Variants in CYRIA observed in about 807,000 individuals in gnomAD.
CYRIA encodes the protein CYFIP-related Rac1 interactor A.
In CYRIA, 15 loss-of-function variants were observed where a neutral mutation model predicts 43.9. The ratio of observed to expected loss-of-function variants is 0.34; its 90% CI spans 0.23 to 0.53. CYRIA has a LOEUF of 0.53. Among genes scored for constraint, CYRIA ranks in the 20% least tolerant of loss-of-function variants. The pLI, the probability that CYRIA is intolerant of heterozygous loss-of-function variation, is 0.94. For missense variants in CYRIA, 236 were observed against 394.2 expected (o/e 0.60, Z 3.40); for synonymous variants, 117 against 136.0 (o/e 0.86, Z 0.97).
At chr2:16,587,943 T>C (rs1667792358) in intron 3 of CYRIA, 107 bp downstream of exon 3, 2 of 703,990 alleles carry the variant, frequency 2.8e-6, no homozygotes, top group Non-Finnish European at 4.8e-6. Context: ...TACAGTGACC[T>C]TTGGATTTGA....
At chr2:16,664,521 A>G (rs1670341023) in intron 1 of CYRIA, among the ~76,000 whole-genome samples, 2 of 152,278 alleles carry the variant, frequency 1.3e-5, no homozygotes, top group Admixed American at 1.3e-4. Context: ...CTCCACTGCA[A>G]AGCAAGCCCT....
chr2:16,642,586 G>A (rs561025214), intron 1 of CYRIA, among the ~76,000 whole-genome samples: 2 of 152,166 alleles, frequency 1.3e-5, no homozygotes, highest in East Asian at 1.9e-4. Context: ...GTCCCACTGG[G>A]ACCCTCCGCT....
At chr2:16,572,561 G>A (rs1474460551) in intron 3 of CYRIA, among the ~76,000 whole-genome samples, 1 of 152,130 alleles carries the variant, frequency 6.6e-6, no homozygotes. Context: ...GGCAGGGAGT[G>A]GTCTGAGTTA....
At chr2:16,645,396 A>G (rs1409404666) in intron 1 of CYRIA, among the ~76,000 whole-genome samples, 1 of 152,214 alleles carries the variant, frequency 6.6e-6, no homozygotes, top group Non-Finnish European at 1.5e-5. Context: ...TTATATAATA[A>G]AAACGAAGCG....
chr2:16,576,540 A>G (rs1443377547), intron 3 of CYRIA, among the ~76,000 whole-genome samples: 1 of 152,162 alleles, frequency 6.6e-6, no homozygotes, highest in East Asian at 1.9e-4. Flanking sequence ...TGTCTCTTCT[A>G]TCTTTTCTCA....
intron 1 of CYRIA, among the ~76,000 whole-genome samples, chr2:16,648,287 T>C (rs988918361): frequency 6.7e-6 from 1 of 149,890 alleles, no homozygotes; most frequent in African/African-American, 2.5e-5. Context: ...AGGCTACCAT[T>C]GCTCCCAGGA....
intron 3 of CYRIA, among the ~76,000 whole-genome samples, chr2:16,573,792 T>C (rs1239566722): frequency 1.3e-5 from 2 of 152,208 alleles, no homozygotes; most frequent in Non-Finnish European, 2.9e-5. Flanking sequence ...TTGTGAGGCC[T>C]CTCTAGCCAT....
intron 1 of CYRIA, among the ~76,000 whole-genome samples, chr2:16,646,151 G>C (rs896525630): frequency 8.5e-5 from 13 of 152,158 alleles, no homozygotes; most frequent in Non-Finnish European, 1.3e-4. Flanking sequence ...TGGATGGCTT[G>C]ATTTCAATCA....
chr2:16,645,105 C>T (rs544072738), intron 1 of CYRIA, among the ~76,000 whole-genome samples: 19 of 152,282 alleles, frequency 1.2e-4, no homozygotes, highest in African/African-American at 4.6e-4. Flanking sequence ...CATAGGCGAG[C>T]AGAAGTGATC....
chr2:16,618,670 A>G (rs1668889034), intron 2 of CYRIA, among the ~76,000 whole-genome samples: 2 of 152,186 alleles, frequency 1.3e-5, no homozygotes, highest in South Asian at 4.1e-4. Context: ...GAACTGAGGC[A>G]TGGTTAGGTT....
intron 11 of CYRIA, among the ~76,000 whole-genome samples, chr2:16,553,205 A>G (rs995689718): frequency 1.3e-5 from 2 of 152,164 alleles, no homozygotes; most frequent in Non-Finnish European, 2.9e-5. Context: ...AACCAAGTAG[A>G]TATTTTACAT....
At chr2:16,556,173 G>C (rs1343412664) in intron 10 of CYRIA, among the ~76,000 whole-genome samples, 1 of 152,078 alleles carries the variant, frequency 6.6e-6, no homozygotes, top group Non-Finnish European at 1.5e-5. Flanking sequence ...CTTCTTGCAT[G>C]TCAAAAGTTT....
intron 2 of CYRIA, 144 bp from the exon 3 acceptor site, chr2:16,588,273 C>T (rs539061010): frequency 4.5e-5 from 25 of 549,540 alleles, no homozygotes; most frequent in Middle Eastern, 2.7e-4. Context: ...AATGTAGCAA[C>T]TCATTTCTAA....
chr2:16,653,248 C>G (rs573758573), intron 1 of CYRIA, among the ~76,000 whole-genome samples: 1 of 152,318 alleles, frequency 6.6e-6, no homozygotes, highest in East Asian at 1.9e-4. Context: ...GGCCTGCAAC[C>G]GGTCACTTGT....
rs375566504 is a variant in CYRIA at position 16,550,922 on chromosome 2, A to C, written c.*2014T>G. On this transcript the variant is annotated 3_prime_UTR_variant, in exon 12 of 12. Coordinates refer to ENST00000381323, the MANE Select transcript of CYRIA (RefSeq NM_030797.4). ...TGACTGCCAAATAGGATATCTCTTAAGATGAATATCTCCTAACTTTCCTCA... is the reference window on the plus strand; with the variant it reads ...TGACTGCCAAATAGGATATCTCTTACGATGAATATCTCCTAACTTTCCTCA... 3 of 152,300 alleles carry C rather than the reference A, an allele frequency of 2.0e-5. No homozygotes were observed. The highest frequency in any genetic ancestry group is 3.9e-4 in the East Asian group (2 of 5,166). The allele number at this position is 152,300 out of a possible 1,614,324, so 9.4% of individuals were successfully genotyped here. A position where few individuals can be genotyped will look rare whatever the true frequency, so the allele number is the denominator to read the frequency against.
chr2:16,564,465 A>G (rs1200522375), intron 4 of CYRIA, among the ~76,000 whole-genome samples: 1 of 152,206 alleles, frequency 6.6e-6, no homozygotes, highest in African/African-American at 2.4e-5. Context: ...TATCTTTAAT[A>G]GGTATTGCAT....
At chr2:16,658,181 C>T (rs1670166046) in intron 1 of CYRIA, among the ~76,000 whole-genome samples, 1 of 152,128 alleles carries the variant, frequency 6.6e-6, no homozygotes, top group Non-Finnish European at 1.5e-5. Context: ...GCTAGGTTCA[C>T]TTCAGGCATA....
chr2:16,565,762 G>A lies in CYRIA; in HGVS notation c.76C>T (p.Gln26Ter). 1 of 1,566,126 alleles carries A rather than the reference G, an allele frequency of 6.4e-7. No individual in the cohort carries two copies. The highest frequency in any genetic ancestry group is 2.3e-5 in the East Asian group (1 of 43,750). The part of the protein sequence containing the change: ...PHFFLDFENA[Q>*]PTEGEREIWN... ...ATTTCTCTCTCTCCTTCTGTAGGCT[G>A]AGCATCTAAGAAACAGGGAAACCGA... The change falls in exon 4 of 12, where the codon CAG becomes TAG. Residue 26 changes from glutamine to a stop codon, truncating the protein, a stop_gained. Coordinates refer to ENST00000381323, the MANE Select transcript of CYRIA (RefSeq NM_030797.4). LOFTEE classifies it high-confidence loss of function.
intron 1 of CYRIA, among the ~76,000 whole-genome samples, chr2:16,624,705 C>T (rs1669103459): frequency 6.6e-6 from 1 of 152,112 alleles, no homozygotes; most frequent in Non-Finnish European, 1.5e-5. Flanking sequence ...GGTTTTTTTC[C>T]TGGCTCCTGT....
Sources: gnomAD v4.1 joint callset for allele counts (sites outside exome capture counted in the v4.1 genomes callset) on GRCh38, gnomAD v4.1.1 for gene constraint, MANE v1.5 for transcripts, NCBI Gene and HGNC (gene_info 2026-07-23, HGNC 2026-07-21) for gene names.